Variants in MAPKAPK5 observed in about 807,000 individuals in gnomAD.
The protein encoded by MAPKAPK5 is MAP kinase-activated protein kinase 5.
In MAPKAPK5, 30 loss-of-function variants were observed where a neutral mutation model predicts 65.1. The ratio of observed to expected loss-of-function variants is 0.46; its 90% CI spans 0.34 to 0.63. MAPKAPK5 has a LOEUF of 0.63. Ranked by LOEUF, MAPKAPK5 falls within the 20% of genes least tolerant of loss-of-function variation. MAPKAPK5 has a pLI of 0.01. For synonymous variants in MAPKAPK5, 179 were observed against 204.6 expected, an observed-to-expected ratio of 0.87 and a Z score of 1.07; for missense variants, 433 against 581.4, an observed-to-expected ratio of 0.74 and a Z score of 2.63.
At chr12:111,857,626 G>A (rs80105053) in intron 1 of MAPKAPK5, among the ~76,000 whole-genome samples, 1 of 152,282 alleles carries the variant, frequency 6.6e-6, no homozygotes, top group East Asian at 1.9e-4. Flanking sequence ...TGTAGGCCAA[G>A]TCTACTAGCA....
At chr12:111,861,941 C>T (rs993175025) in intron 1 of MAPKAPK5, among the ~76,000 whole-genome samples, 1 of 152,162 alleles carries the variant, frequency 6.6e-6, no homozygotes, top group Non-Finnish European at 1.5e-5. Flanking sequence ...TGATTTTATT[C>T]CAAGTGTTTG....
intron 7 of MAPKAPK5, among the ~76,000 whole-genome samples, chr12:111,878,640 C>T (rs763806847): frequency 3.9e-5 from 6 of 151,944 alleles, no homozygotes; most frequent in Non-Finnish European, 7.4e-5. Flanking sequence ...AGGATAGTCT[C>T]GATCTCCTGA....
chr12:111,856,177 G>T (rs2069233344), intron 1 of MAPKAPK5, among the ~76,000 whole-genome samples: 1 of 152,010 alleles, frequency 6.6e-6, no homozygotes, highest in South Asian at 2.1e-4. Flanking sequence ...TTCTGAATAT[G>T]TATGGATTTC....
intron 10 of MAPKAPK5, among the ~76,000 whole-genome samples, chr12:111,886,558 A>G (rs753271721): frequency 1.3e-5 from 2 of 152,266 alleles, no homozygotes; most frequent in Non-Finnish European, 2.9e-5. Context: ...ATGTTCGGAC[A>G]TGCGCTGTCC....
chr12:111,860,062 C>T (rs1342856213), intron 1 of MAPKAPK5, among the ~76,000 whole-genome samples: 2 of 152,220 alleles, frequency 1.3e-5, no homozygotes, highest in Admixed American at 6.5e-5. Context: ...AAGAGTGAAA[C>T]TCCGTCTCAA....
At chr12:111,859,660 T>A (rs1437629903) in intron 1 of MAPKAPK5, among the ~76,000 whole-genome samples, 1 of 151,110 alleles carries the variant, frequency 6.6e-6, no homozygotes, top group Non-Finnish European at 1.5e-5. Flanking sequence ...TTCTTTTTTT[T>A]TTTTTTGAGA....
intron 1 of MAPKAPK5, among the ~76,000 whole-genome samples, chr12:111,852,220 AAGTC>A (rs2069106625): frequency 6.6e-6 from 1 of 152,164 alleles, no homozygotes; most frequent in Admixed American, 6.6e-5. Flanking sequence ...AAAAGCAAAA[AAGTC>A]AGACAGAAAT....
intron 1 of MAPKAPK5, chr12:111,843,457 AT>A: frequency 2.5e-6 from 1 of 392,620 alleles, no homozygotes; most frequent in Non-Finnish European, 4.5e-6. Flanking sequence ...TTAAAGGCAC[AT>A]TTTGCCCACT....
At position 111,862,685 on chromosome 12, in the gene MAPKAPK5, C is replaced by T. The variant is rs144753667; in HGVS notation, c.37-2565C>T. Among the ~76,000 whole-genome samples, 512 of 152,208 alleles carry T rather than the reference C, an allele frequency of 3.4e-3. 3 individuals carry two copies. Among genetic ancestry groups the T allele is most frequent in the South Asian group, 5.4e-3 (26 of 4,824 alleles). ...CCAGCCTGGGCGACAGAGCAATACT[C>T]TGTCTCAAAAAATAAAAAAATAAGT... is the stretch of plus-strand genomic sequence containing the variant. On this transcript the variant is annotated intron_variant, in intron 1 of 13. Coordinates refer to ENST00000550735, the MANE Select transcript of MAPKAPK5 (RefSeq NM_003668.4).
intron 10 of MAPKAPK5, among the ~76,000 whole-genome samples, chr12:111,887,410 G>A (rs982558529): frequency 1.3e-5 from 2 of 152,300 alleles, no homozygotes; most frequent in African/African-American, 4.8e-5. Context: ...GGTGGCTTAC[G>A]CCTGTAATCC....
At chr12:111,854,387 G>A (rs770229296) in intron 1 of MAPKAPK5, among the ~76,000 whole-genome samples, 4 of 152,064 alleles carry the variant, frequency 2.6e-5, no homozygotes, top group Non-Finnish European at 5.9e-5. Context: ...GACTTGAGGC[G>A]TGCGCCACCA....
chr12:111,898,662 G>A lies in MAPKAPK5; in HGVS notation c.*5601G>A, dbSNP rs1046249596. 5 of 152,098 alleles carry A rather than the reference G, an allele frequency of 3.3e-5. No homozygotes were observed. Among genetic ancestry groups the A allele is most frequent in the Admixed American group, 2.0e-4 (3 of 15,264 alleles). The allele number at this position is 152,098 out of a possible 1,614,324, so 9.4% of individuals were successfully genotyped here. On this transcript the variant is annotated 3_prime_UTR_variant, in exon 14 of 14. Transcript: ENST00000550735. ...ATTTGTTATGAACCAACGATAATGA[G>A]GGAAAACTTGGACATCCACATACAG...
At chr12:111,885,305 G>A (rs2070365921) in intron 9 of MAPKAPK5, 1 of 152,362 alleles carries the variant, frequency 6.6e-6, no homozygotes, top group Admixed American at 6.5e-5. Context: ...CAGTGGGAAT[G>A]AACAAGATGG....
chr12:111,867,947 A>G (rs1345192865), intron 4 of MAPKAPK5, among the ~76,000 whole-genome samples: 3 of 152,180 alleles, frequency 2.0e-5, no homozygotes, highest in Non-Finnish European at 4.4e-5. Context: ...CTATGCCCCT[A>G]CCACTCTTCA....
At chr12:111,854,082 T>A (rs577372843) in intron 1 of MAPKAPK5, among the ~76,000 whole-genome samples, 1 of 152,310 alleles carries the variant, frequency 6.6e-6, no homozygotes, top group East Asian at 1.9e-4. Flanking sequence ...GAGGATTGTT[T>A]AATCTATATT....
At chr12:111,882,207 C>T (rs946983656) in intron 8 of MAPKAPK5, among the ~76,000 whole-genome samples, 5 of 152,098 alleles carry the variant, frequency 3.3e-5, no homozygotes, top group African/African-American at 4.8e-5. Flanking sequence ...GGTGAAACCC[C>T]GTCTCTACTA....
chr12:111,857,889 T>TGTGTGTGTGTGTG (rs1566234000), intron 1 of MAPKAPK5, among the ~76,000 whole-genome samples: 1 of 151,678 alleles, frequency 6.6e-6, no homozygotes, highest in African/African-American at 2.4e-5. Context: ...GTGTTTTTTT[T>TGTGTGTGTGTGTG]TGTGTGTGTG....
At chr12:111,873,030 G>A (rs2069833821) in intron 7 of MAPKAPK5, among the ~76,000 whole-genome samples, 1 of 151,924 alleles carries the variant, frequency 6.6e-6, no homozygotes, top group South Asian at 2.1e-4. Context: ...TTGAATAGCA[G>A]AAGTTTTGAA....
At position 111,885,955 on chromosome 12, in the gene MAPKAPK5, G is replaced by C; in HGVS notation, c.888G>C (p.Glu296Asp). Residue 296 changes from glutamate to aspartate, a missense_variant, in exon 10 of 14, where the codon GAG becomes GAC. Glu to Asp is a conservative substitution (Grantham distance 45). Transcript: ENST00000550735. ...AACCGGAGGAGAGACTCACCATCGA[G>C]GGAGTGCTGGACCACCCCTGGCTCA... The part of the protein sequence containing the change: ...KVKPEERLTI[E>D]GVLDHPWLNS... 1 of 1,613,988 alleles carries C rather than the reference G, an allele frequency of 6.2e-7. No homozygotes were observed. Among genetic ancestry groups the C allele is most frequent in the Non-Finnish European group, 8.5e-7 (1 of 1,179,888 alleles).
Sources: allele counts gnomAD v4.1 joint callset (sites outside exome capture counted in the v4.1 genomes callset), GRCh38; gene constraint gnomAD v4.1.1; transcripts MANE v1.5; gene names NCBI Gene and HGNC (gene_info 2026-07-23, HGNC 2026-07-21).